The following SNRPA variants were observed in gnomAD, a reference collection of about 807,000 sequenced individuals.
SNRPA encodes the protein small nuclear ribonucleoprotein polypeptide A.
SNRPA carries 10 observed loss-of-function variants against 24.5 expected under a neutral mutation model. The ratio of observed to expected loss-of-function variants is 0.41; its 90% CI spans 0.25 to 0.69. The LOEUF is 0.69. Ranked by LOEUF, SNRPA falls within the 30% of genes least tolerant of loss-of-function variation. The pLI is 0.33. For missense variants in SNRPA, 283 were observed against 394.7 expected (o/e 0.72, Z 2.40); for synonymous variants, 165 against 148.4 (o/e 1.11, Z -0.81).
chr19:40,765,223 C>G lies in SNRPA; in HGVS notation c.*56C>G. ...CTGTTCTGGGGCCACCCCTTTCCCC[C>G]TTGGCTCAGCCCCCTGAAGGTAAGT... is the stretch of plus-strand genomic sequence containing the variant. On this transcript the variant is annotated 3_prime_UTR_variant, in exon 6 of 6. Transcript: ENST00000243563. 2 of 1,313,828 alleles carry G rather than the reference C, an allele frequency of 1.5e-6. No homozygotes were observed. Among genetic ancestry groups the G allele is most frequent in the Non-Finnish European group, 2.0e-6 (2 of 994,810 alleles). 81.4% of individuals were successfully genotyped at this position (1,313,828 alleles called of 1,614,324 possible). A position where few individuals can be genotyped will look rare whatever the true frequency, so the allele number is the denominator to read the frequency against.
Position 40,763,150 on chromosome 19 carries a change from G to A in SNRPA, c.600+76G>A, listed in dbSNP as rs902127750. 82 of 1,210,262 alleles carry A rather than the reference G, an allele frequency of 6.8e-5. 1 individual carries two copies. The highest frequency in any genetic ancestry group is 9.1e-5 in the Non-Finnish European group (79 of 868,818). The allele number at this position is 1,210,262 out of a possible 1,614,324, so 75.0% of individuals were successfully genotyped here. Reference sequence around the variant, plus strand: ...GGACTAGAAAGGGACCAGTTGGGGGGCTGCTGTAGGTTGGGTGGTCTGGGC... The same window carrying A: ...GGACTAGAAAGGGACCAGTTGGGGGACTGCTGTAGGTTGGGTGGTCTGGGC... On this transcript the variant is annotated intron_variant, in intron 4 of 5. Coordinates refer to ENST00000243563, the MANE Select transcript of SNRPA (RefSeq NM_004596.5).
In SNRPA at chr19:40,759,417, T is replaced by C. The variant is rs878928536; in HGVS notation, c.247-14T>C. The C allele has an allele frequency of 6.2e-7, 1 of 1,604,582 alleles. No homozygotes were observed. Among genetic ancestry groups the C allele is most frequent in the Admixed American group, 1.7e-5 (1 of 57,974 alleles). On this transcript the variant is annotated splice_polypyrimidine_tract_variant and intron_variant, in intron 2 of 5. Coordinates refer to ENST00000243563, the MANE Select transcript of SNRPA (RefSeq NM_004596.5). ...AATCCACGCTCTTAACCCGTTCTGC[T>C]CTCTGTTTGGTAGCGTATCCAGTAT...
intron 1 of SNRPA, among the ~76,000 whole-genome samples, chr19:40,752,017 C>G (rs959945946): frequency 6.6e-6 from 1 of 152,134 alleles, no homozygotes; most frequent in Non-Finnish European, 1.5e-5. Context: ...AGGAAGAAGG[C>G]TATTGTTATT....
At position 40,752,597 on chromosome 19, in the gene SNRPA, A is replaced by T. The variant is rs550297088; in HGVS notation, c.73+1116A>T. Among the ~76,000 whole-genome samples the T allele has an allele frequency of 6.9e-3, 1,030 of 150,278 alleles. 16 individuals are homozygous for T. Among genetic ancestry groups the T allele is most frequent in the African/African-American group, 0.024 (980 of 40,966 alleles). On this transcript the variant is annotated intron_variant, in intron 1 of 5. Transcript: ENST00000243563. ...TTCTCTACAAAAAAAAAAAAAAAAA[A>T]AAAAAAGGCTGGGCGTGGGTGGGGT...
intron 1 of SNRPA, among the ~76,000 whole-genome samples, chr19:40,752,966 A>G (rs190521940): frequency 3.9e-5 from 6 of 152,250 alleles, no homozygotes; most frequent in Admixed American, 3.3e-4. Flanking sequence ...GGGCTGGATA[A>G]ATGTTAGCTC....
chr19:40,758,036 G>T (rs1439606585), intron 2 of SNRPA, among the ~76,000 whole-genome samples: 2 of 151,392 alleles, frequency 1.3e-5, no homozygotes, highest in Non-Finnish European at 2.9e-5. Flanking sequence ...GTGCAATCTT[G>T]GCTCACTGCA....
At chr19:40,754,719 G>C (rs1399195168) in intron 1 of SNRPA, among the ~76,000 whole-genome samples, 2 of 152,156 alleles carry the variant, frequency 1.3e-5, no homozygotes, top group African/African-American at 2.4e-5. Flanking sequence ...GCTGTGCACT[G>C]GTGGCTCATG....
chr19:40,754,252 G>T (rs1034470563), intron 1 of SNRPA, among the ~76,000 whole-genome samples: 6 of 152,032 alleles, frequency 3.9e-5, no homozygotes, highest in Admixed American at 3.9e-4. Flanking sequence ...CCAAGCACCT[G>T]CTACCACGCT....
At chr19:40,757,680 C>T (rs535120423) in intron 2 of SNRPA, among the ~76,000 whole-genome samples, 176 bp downstream of exon 2, 7 of 152,032 alleles carry the variant, frequency 4.6e-5, no homozygotes, top group African/African-American at 1.2e-4. Context: ...CGGTGGCTCA[C>T]GTCTGTAATC....
At chr19:40,756,071 A>G (rs1216758248) in intron 1 of SNRPA, among the ~76,000 whole-genome samples, 2 of 152,110 alleles carry the variant, frequency 1.3e-5, no homozygotes, top group Admixed American at 1.3e-4. Flanking sequence ...CCAGGAGTTC[A>G]AGACCAACCT....
chr19:40,760,711 G>C (rs1372084176), intron 3 of SNRPA, among the ~76,000 whole-genome samples: 1 of 152,174 alleles, frequency 6.6e-6, no homozygotes, highest in Admixed American at 6.5e-5. Flanking sequence ...GGCCAAGATA[G>C]GAGGATTGCT....
chr19:40,757,318 T>C lies in SNRPA; in HGVS notation c.74-14T>C, dbSNP rs1391950035. On this transcript the variant is annotated splice_polypyrimidine_tract_variant and intron_variant, in intron 1 of 5. Transcript: ENST00000243563. ...AAAAGGGGAGCTCAAAGGTCTTTTT[T>C]TCCCCCACTGCAGAGCTAAAAAAGT... 3.7e-6 allele frequency: 6 copies of C among 1,613,664 alleles called. No homozygotes were observed. The highest frequency in any genetic ancestry group is 1.1e-5 in the South Asian group (1 of 91,048).
In SNRPA at chr19:40,751,720, A is replaced by G. The variant is rs574993577; in HGVS notation, c.73+239A>G. Among the ~76,000 whole-genome samples, 4 of 152,256 alleles carry G rather than the reference A, an allele frequency of 2.6e-5. No homozygotes were observed. The East Asian group carries it at 7.7e-4, about 29-fold the overall frequency. On this transcript the variant is annotated intron_variant, in intron 1 of 5. Transcript: ENST00000243563. The stretch of plus-strand genomic sequence containing the variant: ...TTTGAGGTCACAGGACCCTTCCTCC[A>G]GGAAGCCTTGCCTTGTCCCTTCACG...
chr19:40,757,617 C>G, intron 2 of SNRPA, 113 bp downstream of exon 2: 1 of 1,031,434 alleles, frequency 9.7e-7, no homozygotes, highest in Non-Finnish European at 1.4e-6. Flanking sequence ...TGAGGCTGGA[C>G]CAGGCTCCCA....
At chr19:40,756,491 T>C (rs2082909020) in intron 1 of SNRPA, among the ~76,000 whole-genome samples, 1 of 150,794 alleles carries the variant, frequency 6.6e-6, no homozygotes, top group South Asian at 2.1e-4. Flanking sequence ...AGCTACTCCA[T>C]AGGCTGAAGT....
intron 3 of SNRPA, among the ~76,000 whole-genome samples, chr19:40,761,256 G>A (rs1229333280): frequency 6.6e-6 from 1 of 151,898 alleles, no homozygotes; most frequent in Non-Finnish European, 1.5e-5. Context: ...CTTGATGTGT[G>A]ATCGAGGTAC....
chr19:40,754,976 C>A (rs761416797), intron 1 of SNRPA, among the ~76,000 whole-genome samples: 6 of 152,130 alleles, frequency 3.9e-5, no homozygotes, highest in Non-Finnish European at 5.9e-5. Context: ...TGACTAATTG[C>A]TTAAAAACAA....
At position 40,751,772 on chromosome 19, in the gene SNRPA, G is replaced by T. The variant is rs116800729; in HGVS notation, c.73+291G>T. On this transcript the variant is annotated intron_variant, in intron 1 of 5. Transcript: ENST00000243563. ...GGCTGCCGCTGACTTGCCGTACGCT[G>T]AGACCATCTCCCATCAAGCCCTGAT... Among the ~76,000 whole-genome samples, 790 of 152,228 alleles carry T rather than the reference G, an allele frequency of 5.2e-3. 8 individuals carry two copies. Among genetic ancestry groups the T allele is most frequent in the African/African-American group, 0.018 (767 of 41,538 alleles).
intron 1 of SNRPA, among the ~76,000 whole-genome samples, chr19:40,752,230 G>A (rs771201118): frequency 2.0e-5 from 3 of 151,918 alleles, no homozygotes; most frequent in Non-Finnish European, 4.4e-5. Context: ...CCAGCTACTC[G>A]GGAGGCTGAG....
Sources: allele counts gnomAD v4.1 joint callset (sites outside exome capture counted in the v4.1 genomes callset), GRCh38; gene constraint gnomAD v4.1.1; transcripts MANE v1.5; gene names NCBI Gene and HGNC (gene_info 2026-07-23, HGNC 2026-07-21).